UMODL1: variants seen among roughly 807,000 people sequenced by gnomAD.
UMODL1 encodes the protein uromodulin like 1, also known as uromodulin-like 1.
Under a neutral mutation model 136.3 loss-of-function variants are expected in UMODL1, and 128 were observed. That is an observed-to-expected ratio of 0.94 (90% CI 0.81 to 1.09). The LOEUF is 1.09. Ranked by LOEUF, UMODL1 falls within the 50% of genes least tolerant of loss-of-function variation. The pLI is 0.00. For synonymous variants in UMODL1, 721 were observed against 720.0 expected, an observed-to-expected ratio of 1.00 and a Z score of -0.02; for missense variants, 1,766 against 1,725.6, an observed-to-expected ratio of 1.02 and a Z score of -0.41.
At chr21:42,073,255 C>T (rs1262152138) in intron 1 of UMODL1, among the ~76,000 whole-genome samples, 1 of 152,240 alleles carries the variant, frequency 6.6e-6, no homozygotes, top group African/African-American at 2.4e-5. Context: ...CCTAGCTCGG[C>T]GTGGTCACTG....
chr21:42,121,566 C>T (rs540131429), intron 16 of UMODL1, among the ~76,000 whole-genome samples: 9 of 152,292 alleles, frequency 5.9e-5, no homozygotes, highest in South Asian at 2.1e-4. Context: ...GTGAAACACG[C>T]AGCCGTGGGA....
chr21:42,066,749 G>A (rs2066186078), upstream of UMODL1, among the ~76,000 whole-genome samples: 1 of 152,164 alleles, frequency 6.6e-6, no homozygotes, highest in Non-Finnish European at 1.5e-5. Context: ...GCACTGTCAG[G>A]GCCTCTTCCT....
At chr21:42,082,885 T>C (rs2066378895) in intron 2 of UMODL1, among the ~76,000 whole-genome samples, 1 of 151,238 alleles carries the variant, frequency 6.6e-6, no homozygotes, top group African/African-American at 2.4e-5. Context: ...TTGGGTGGAT[T>C]CTCAGACTCC....
In UMODL1 at chr21:42,141,001, G is replaced by C. The variant is rs541228480; in HGVS notation, c.*22-1095G>C. 2.0e-5 allele frequency among the ~76,000 whole-genome samples: 3 copies of C among 152,126 alleles called. No individual in the cohort carries two copies. In the East Asian group the frequency reaches 5.8e-4, roughly 29 times the overall value. ...CAGGAGACATTGTCAATACCAGCCC[G>C]CCCCCTCTTCGTCAGGCAGGCAGCT... is the stretch of plus-strand genomic sequence containing the variant. On this transcript the variant is annotated intron_variant, in intron 22 of 22. Coordinates refer to ENST00000408910, the MANE Select transcript of UMODL1 (RefSeq NM_001004416.3).
At chr21:42,094,853 C>T (rs1322286545) in intron 6 of UMODL1, among the ~76,000 whole-genome samples, 1 of 127,420 alleles carries the variant, frequency 7.8e-6, no homozygotes. Flanking sequence ...TGTAAGTTTC[C>T]CGGGTTTCCC....
chr21:42,113,931 T>C (rs1171151876), intron 13 of UMODL1, 101 bp downstream of exon 13: 13 of 1,448,662 alleles, frequency 9.0e-6, no homozygotes, highest in Non-Finnish European at 1.1e-5. Flanking sequence ...TATGGGCTGC[T>C]AGGTGTCATT....
chr21:42,077,447 A>AGT (rs1175251683), intron 2 of UMODL1, among the ~76,000 whole-genome samples: 2 of 151,914 alleles, frequency 1.3e-5, no homozygotes, highest in Admixed American at 1.3e-4. Context: ...TAGAAAGAGG[A>AGT]GTGGGGGTCT....
Position 42,137,602 on chromosome 21 carries a change from C to G in UMODL1, c.3939C>G (p.Tyr1313Ter), listed in dbSNP as rs1020119624. 6.2e-7 allele frequency: 1 copy of G among 1,613,862 alleles called. No individual in the cohort carries two copies. The highest frequency in any genetic ancestry group is 1.3e-5 in the African/African-American group (1 of 74,856). Residue 1313 changes from tyrosine (Y) to a stop codon, truncating the protein, a stop_gained, in exon 22 of 23, where the codon TAC (tyrosine) becomes TAG (stop). Coordinates refer to ENST00000408910, the MANE Select transcript of UMODL1 (RefSeq NM_001004416.3). LOFTEE classifies it high-confidence loss of function. ...NFKIQSNNFS[Y>*]QVFYE is the part of the protein sequence containing the mutation. The stretch of plus-strand genomic sequence containing the variant: ...AAATCCAGTCCAACAACTTCAGCTA[C>G]CAGGTGTTCTACGAATAGGAGGCGC...
intron 21 of UMODL1, among the ~76,000 whole-genome samples, chr21:42,137,187 G>T (rs1322637648): frequency 6.6e-6 from 1 of 152,358 alleles, no homozygotes; most frequent in African/African-American, 2.4e-5. Flanking sequence ...CCCACCAGGA[G>T]GACCTGCTGG....
intron 16 of UMODL1, among the ~76,000 whole-genome samples, chr21:42,121,438 A>C (rs1206495294): frequency 6.6e-6 from 1 of 151,918 alleles, no homozygotes; most frequent in African/African-American, 2.4e-5. Context: ...CCATTCTTTC[A>C]TATGTGTCCA....
chr21:42,104,169 C>T (rs2066681215), intron 9 of UMODL1, 82 bp downstream of exon 9: 1 of 1,386,280 alleles, frequency 7.2e-7, no homozygotes, highest in Admixed American at 2.2e-5. Context: ...GTCAGTCTTT[C>T]CTTTATTTCA....
At chr21:42,137,016 A>C (rs930087027) in intron 21 of UMODL1, among the ~76,000 whole-genome samples, 2 of 152,168 alleles carry the variant, frequency 1.3e-5, no homozygotes, top group African/African-American at 2.4e-5. Context: ...TCAGCCCCGC[A>C]AAGTGCTGAG....
chr21:42,075,331 T>C (rs988992121), intron 1 of UMODL1, among the ~76,000 whole-genome samples: 8 of 152,142 alleles, frequency 5.3e-5, no homozygotes, highest in South Asian at 2.1e-4. Context: ...AGTGCTGGGA[T>C]TACAGGTGTG....
At chr21:42,134,738 C>CT (rs36031382) in intron 21 of UMODL1, among the ~76,000 whole-genome samples, 41,502 of 151,644 alleles carry the variant, frequency 0.27, 6,233 homozygotes, top group Non-Finnish European at 0.35. Context: ...CCTCAGCCTC[C>CT]TGAGTAGCTG....
chr21:42,085,405 A>G lies in UMODL1; in HGVS notation c.596A>G (p.His199Arg), dbSNP rs1218215292. 1 of 1,613,918 alleles carries G rather than the reference A, an allele frequency of 6.2e-7. No individual in the cohort carries two copies. The highest frequency in any genetic ancestry group is 1.1e-5 in the South Asian group (1 of 91,074). ...CTCCTGAACCACATGCGCCTTCTGC[A>G]TTCCTTGGTAGGTGAGACAGACGGG... is the stretch of plus-strand genomic sequence containing the variant. ...PRLLNHMRLL[H>R]SLVTSALQPM... The change falls in exon 4 of 23, where the codon CAT (histidine) becomes CGT (arginine). Residue 199 changes from histidine to arginine, a missense_variant. Coordinates refer to ENST00000408910, the MANE Select transcript of UMODL1 (RefSeq NM_001004416.3). The surrounding 1 kb of genome is among the most constrained non-coding windows in gnomAD (Gnocchi z 4.5).
chr21:42,140,805 A>T (rs1416087976), intron 22 of UMODL1, among the ~76,000 whole-genome samples: 2 of 152,104 alleles, frequency 1.3e-5, no homozygotes, highest in Non-Finnish European at 2.9e-5. Context: ...ACCTCCGGGG[A>T]TCCCAAAGGG....
intron 6 of UMODL1, among the ~76,000 whole-genome samples, chr21:42,095,623 A>C (rs2066548874): frequency 6.6e-6 from 1 of 152,206 alleles, no homozygotes; most frequent in Non-Finnish European, 1.5e-5. Flanking sequence ...ATAAGGTCAC[A>C]GTCGTAGGTT....
intron 21 of UMODL1, among the ~76,000 whole-genome samples, chr21:42,133,508 G>A (rs2067160417): frequency 6.6e-6 from 1 of 152,184 alleles, no homozygotes; most frequent in South Asian, 2.1e-4. Flanking sequence ...CACTCACGAT[G>A]TCTTGGCACC....
intron 1 of UMODL1, among the ~76,000 whole-genome samples, chr21:42,075,550 T>A (rs2066280731): frequency 6.6e-6 from 1 of 152,226 alleles, no homozygotes; most frequent in Non-Finnish European, 1.5e-5. Context: ...ACTTCCCATG[T>A]GGCAACCTTG....
Sources: gnomAD v4.1 joint callset for allele counts (sites outside exome capture counted in the v4.1 genomes callset) on GRCh38, gnomAD v4.1.1 for gene constraint, Gnocchi (gnomAD v3.1) non-coding constraint, MANE v1.5 for transcripts, NCBI Gene and HGNC (gene_info 2026-07-23, HGNC 2026-07-21) for gene names.